Variants in KIF2A observed in about 807,000 individuals in gnomAD.
KIF2A encodes the protein kinesin family member 2A, also known as kinesin-like protein KIF2A.
KIF2A carries 22 observed loss-of-function variants against 100.2 expected under a neutral mutation model. That is an observed-to-expected ratio of 0.22 (90% CI 0.16 to 0.31). KIF2A has a LOEUF of 0.31. KIF2A is among the 10% of genes least tolerant of loss of function. The pLI is 1.00. For synonymous variants in KIF2A, 268 were observed against 285.9 expected, an observed-to-expected ratio of 0.94 and a Z score of 0.63; for missense variants, 495 against 898.7, an observed-to-expected ratio of 0.55 and a Z score of 5.74.
rs753421611 is a variant in KIF2A, at chr5:62,365,257, C to T, written c.1482C>T (p.Ala494=). ...SLLALKECIR[A]LGRNKPHTPF... is the part of the protein sequence containing the mutation. ...TTAATTTTCAGGAGTGCATCAGAGC[C>T]TTAGGTAGAAATAAACCTCATACTC... The change falls in exon 15 of 21, where the codon GCC becomes GCT. Residue 494 remains alanine (A), a synonymous_variant. Transcript: ENST00000407818. 1.9e-6 allele frequency: 3 copies of T among 1,591,718 alleles called. No individual in the cohort carries two copies. The East Asian group carries it at 6.7e-5, about 36-fold the overall frequency.
chr5:62,338,239 T>TA (rs1310840703), intron 1 of KIF2A, among the ~76,000 whole-genome samples: 1 of 152,188 alleles, frequency 6.6e-6, no homozygotes, highest in Non-Finnish European at 1.5e-5. Context: ...TGTTATCATA[T>TA]AAAAATAACA....
intron 19 of KIF2A, among the ~76,000 whole-genome samples, chr5:62,380,862 G>C (rs1741745124): frequency 6.6e-6 from 1 of 152,112 alleles, no homozygotes; most frequent in African/African-American, 2.4e-5. Context: ...GGAAGGGATG[G>C]CAGGAGAGGC....
chr5:62,356,538 A>G (rs1748114814), intron 7 of KIF2A, among the ~76,000 whole-genome samples: 1 of 152,324 alleles, frequency 6.6e-6, no homozygotes, highest in Non-Finnish European at 1.5e-5. Flanking sequence ...GCTTTATGTT[A>G]ATTATTATTA....
intron 1 of KIF2A, among the ~76,000 whole-genome samples, chr5:62,310,544 G>A (rs10044843): frequency 0.63 from 95,485 of 151,994 alleles, 30,143 homozygotes; most frequent in South Asian, 0.68. Context: ...CCTTCCATCT[G>A]TGCTCCTCTG....
Position 62,390,753 on chromosome 5 carries a change from G to A in KIF2A, c.*5184G>A, listed in dbSNP as rs759225708. On this transcript the variant is annotated 3_prime_UTR_variant, in exon 21 of 21. Transcript: ENST00000407818. ...ACACCAAATACTATTCCATGCCATG[G>A]AAGTGCTATGCAATAACTCTCCCAG... 9.1e-5 allele frequency: 68 copies of A among 744,368 alleles called. 1 individual carries two copies. Among genetic ancestry groups the A allele is most frequent in the Admixed American group, 1.7e-4 (8 of 46,450 alleles). The allele number at this position is 744,368 out of a possible 1,614,324, so 46.1% of individuals were successfully genotyped here.
At chr5:62,360,504 G>A (rs1445226453) in intron 9 of KIF2A, among the ~76,000 whole-genome samples, 1 of 151,732 alleles carries the variant, frequency 6.6e-6, no homozygotes, top group East Asian at 2.0e-4. Flanking sequence ...GACCAACGTG[G>A]TGAAACCACG....
intron 16 of KIF2A, among the ~76,000 whole-genome samples, chr5:62,369,782 A>G (rs566670959): frequency 6.6e-6 from 1 of 152,278 alleles, no homozygotes; most frequent in East Asian, 1.9e-4. Flanking sequence ...CATTACATTA[A>G]AATTTCATAT....
At chr5:62,334,392 T>C (rs1459935298) in intron 1 of KIF2A, among the ~76,000 whole-genome samples, 3 of 151,954 alleles carry the variant, frequency 2.0e-5, no homozygotes, top group African/African-American at 7.3e-5. Context: ...CTCAGCTCCA[T>C]CTTCAGGGCA....
chr5:62,389,210 G>A lies in KIF2A; in HGVS notation c.*3641G>A, dbSNP rs1411334930. ...TTATTAAAGAAACGTTACTGGCTGG[G>A]CGCAGTGGCTTATGCCTGTAATCCC... On this transcript the variant is annotated 3_prime_UTR_variant, in exon 21 of 21. Transcript: ENST00000407818. Among the ~76,000 whole-genome samples, 1 of 151,928 alleles carries A rather than the reference G, an allele frequency of 6.6e-6. No homozygotes were observed.
intron 7 of KIF2A, among the ~76,000 whole-genome samples, chr5:62,356,593 A>G (rs1748119268): frequency 6.6e-6 from 1 of 152,214 alleles, no homozygotes; most frequent in Non-Finnish European, 1.5e-5. Context: ...AAAAATACTT[A>G]TGCATAAGAA....
intron 1 of KIF2A, among the ~76,000 whole-genome samples, chr5:62,342,974 AC>A (rs1747373070): frequency 6.6e-6 from 1 of 151,036 alleles, no homozygotes; most frequent in African/African-American, 2.4e-5. Flanking sequence ...CTGGTCTTGA[AC>A]CCCTGACCTC....
intron 1 of KIF2A, among the ~76,000 whole-genome samples, chr5:62,316,890 T>C (rs978189598): frequency 6.6e-6 from 1 of 152,140 alleles, no homozygotes. Context: ...ACAAAAAAAT[T>C]ATAATTTATG....
At chr5:62,385,406 T>A in intron 20 of KIF2A, 78 bp from the exon 21 acceptor site, 1 of 955,898 alleles carries the variant, frequency 1.0e-6, no homozygotes, top group East Asian at 2.6e-5. Flanking sequence ...CACAGCTGAC[T>A]TGATTGAACC....
chr5:62,320,418 A>G (rs911279920), intron 1 of KIF2A, among the ~76,000 whole-genome samples: 1 of 152,220 alleles, frequency 6.6e-6, no homozygotes, highest in Non-Finnish European at 1.5e-5. Context: ...TAATTTTGAT[A>G]GATCTTGCTG....
At chr5:62,384,768 A>G (rs1561284973) in intron 20 of KIF2A, among the ~76,000 whole-genome samples, 1 of 152,108 alleles carries the variant, frequency 6.6e-6, no homozygotes, top group East Asian at 1.9e-4. Flanking sequence ...CCCCTTCACA[A>G]TCCCCCTTCC....
intron 1 of KIF2A, among the ~76,000 whole-genome samples, chr5:62,311,547 G>A (rs1745552371): frequency 6.6e-6 from 1 of 152,174 alleles, no homozygotes; most frequent in East Asian, 1.9e-4. Context: ...AAAATCTTTA[G>A]AAAAGATTTT....
intron 1 of KIF2A, chr5:62,308,492 A>G: frequency 1.4e-6 from 1 of 740,458 alleles, no homozygotes; most frequent in Non-Finnish European, 2.4e-6. Flanking sequence ...TAGGGAAGCA[A>G]CCTAAATGTC....
intron 9 of KIF2A, 108 bp downstream of exon 9, chr5:62,358,407 G>A: frequency 3.0e-6 from 2 of 660,688 alleles, no homozygotes; most frequent in Non-Finnish European, 5.0e-6. Flanking sequence ...GCAATATGCT[G>A]TTTTATTCTG....
At chr5:62,345,673 A>G (rs1267279185) in intron 1 of KIF2A, among the ~76,000 whole-genome samples, 1 of 152,096 alleles carries the variant, frequency 6.6e-6, no homozygotes, top group Admixed American at 6.6e-5. Context: ...AATTTCATAA[A>G]CAATAATACT....
Sources: gnomAD v4.1 joint callset for allele counts (sites outside exome capture counted in the v4.1 genomes callset) on GRCh38, gnomAD v4.1.1 for gene constraint, MANE v1.5 for transcripts, NCBI Gene and HGNC (gene_info 2026-07-23, HGNC 2026-07-21) for gene names.